The following IRAK3 variants were observed in gnomAD, a reference collection of about 807,000 sequenced individuals.
The protein encoded by IRAK3 is interleukin-1 receptor-associated kinase 3.
Under a neutral mutation model 56.6 loss-of-function variants are expected in IRAK3, and 57 were observed. The observed-to-expected ratio is 1.01, with a 90% CI of 0.81 to 1.26. IRAK3 has a LOEUF of 1.26. IRAK3 is among the 50% of genes most tolerant of loss of function. IRAK3 has a pLI of 0.00. For missense variants in IRAK3, 703 were observed against 719.0 expected, an observed-to-expected ratio of 0.98 and a Z score of 0.25; for synonymous variants, 258 against 255.7, an observed-to-expected ratio of 1.01 and a Z score of -0.09.
At chr12:66,234,643 T>G in intron 8 of IRAK3, 1 of 1,611,630 alleles carries the variant, frequency 6.2e-7, no homozygotes. Flanking sequence ...ACAATAAAGG[T>G]TCTGTGGGGG....
chr12:66,203,970 A>G, intron 2 of IRAK3, 77 bp downstream of exon 2: 1 of 1,253,732 alleles, frequency 8.0e-7, no homozygotes, highest in Non-Finnish European at 1.2e-6. Flanking sequence ...ATTGCATTTT[A>G]TCCAAGACAT....
chr12:66,241,099 A>G (rs1471984344), intron 8 of IRAK3, among the ~76,000 whole-genome samples: 1 of 152,122 alleles, frequency 6.6e-6, no homozygotes, highest in African/African-American at 2.4e-5. Flanking sequence ...ATTGTCCTAG[A>G]GACCCCTACT....
At chr12:66,233,011 A>ATTATTT (rs921548746) in intron 8 of IRAK3, among the ~76,000 whole-genome samples, 2 of 151,194 alleles carry the variant, frequency 1.3e-5, no homozygotes, top group African/African-American at 4.9e-5. Context: ...TATTATTATT[A>ATTATTT]TTATTTTTAA....
At chr12:66,247,580 T>C in intron 11 of IRAK3, 115 bp from the exon 12 acceptor site, 2 of 734,398 alleles carry the variant, frequency 2.7e-6, no homozygotes, top group Non-Finnish European at 4.6e-6. Flanking sequence ...CAAAATTCTA[T>C]AGCTGAACTA....
intron 6 of IRAK3, among the ~76,000 whole-genome samples, chr12:66,219,913 T>A (rs1349596681): frequency 2.0e-5 from 3 of 152,366 alleles, no homozygotes. Context: ...TTTTTGCTAT[T>A]GAATTGTATG....
intron 1 of IRAK3, among the ~76,000 whole-genome samples, chr12:66,192,242 T>C (rs1376767503): frequency 6.6e-6 from 1 of 152,254 alleles, no homozygotes; most frequent in African/African-American, 2.4e-5. Flanking sequence ...TTAATTACTT[T>C]TATTTTTAAA....
intron 8 of IRAK3, among the ~76,000 whole-genome samples, chr12:66,237,080 T>G (rs2052915790): frequency 6.6e-6 from 1 of 152,026 alleles, no homozygotes; most frequent in South Asian, 2.1e-4. Flanking sequence ...AAATCCCTAC[T>G]CCTCTACTTT....
chr12:66,237,428 A>G (rs1455833380), intron 8 of IRAK3, among the ~76,000 whole-genome samples: 2 of 152,104 alleles, frequency 1.3e-5, no homozygotes, highest in African/African-American at 4.8e-5. Context: ...GGAATTATCT[A>G]TATACAGCTA....
At chr12:66,206,098 A>G (rs897415431) in intron 2 of IRAK3, among the ~76,000 whole-genome samples, 7 of 146,992 alleles carry the variant, frequency 4.8e-5, no homozygotes, top group Non-Finnish European at 7.4e-5. Flanking sequence ...GACATTTTCA[A>G]TCTTCCATTT....
chr12:66,202,842 A>G (rs2052522557), intron 1 of IRAK3, among the ~76,000 whole-genome samples: 1 of 151,778 alleles, frequency 6.6e-6, no homozygotes, highest in Non-Finnish European at 1.5e-5. Context: ...AAAAAAAAAG[A>G]ACACAAGAGC....
chr12:66,225,558 T>C (rs2136937202), intron 6 of IRAK3, among the ~76,000 whole-genome samples: 1 of 152,256 alleles, frequency 6.6e-6, no homozygotes, highest in African/African-American at 2.4e-5. Flanking sequence ...TTTACAGATT[T>C]ATTTTAATAT....
intron 6 of IRAK3, among the ~76,000 whole-genome samples, chr12:66,223,924 A>T (rs1218577351): frequency 2.0e-5 from 3 of 151,472 alleles, no homozygotes; most frequent in Non-Finnish European, 2.9e-5. Flanking sequence ...TCATGGTTTC[A>T]TTTTTTACAT....
At chr12:66,202,962 A>G (rs2052523742) in intron 1 of IRAK3, among the ~76,000 whole-genome samples, 1 of 152,168 alleles carries the variant, frequency 6.6e-6, no homozygotes, top group Non-Finnish European at 1.5e-5. Flanking sequence ...CCATAGATAT[A>G]AATAAACAAC....
At chr12:66,191,868 C>G (rs1592571476) in intron 1 of IRAK3, among the ~76,000 whole-genome samples, 2 of 152,178 alleles carry the variant, frequency 1.3e-5, no homozygotes, top group East Asian at 3.8e-4. Context: ...CTGTAATATA[C>G]TAAGTAAAGC....
intron 8 of IRAK3, among the ~76,000 whole-genome samples, chr12:66,243,479 C>G (rs1464457261): frequency 6.6e-6 from 1 of 152,226 alleles, no homozygotes; most frequent in African/African-American, 2.4e-5. Context: ...AGAGCAAGCT[C>G]TGAAGAGCCC....
At chr12:66,193,859 T>C (rs2052423537) in intron 1 of IRAK3, among the ~76,000 whole-genome samples, 1 of 152,218 alleles carries the variant, frequency 6.6e-6, no homozygotes, top group South Asian at 2.1e-4. Context: ...ATTACTTCAC[T>C]TCCCTCTCTT....
intron 8 of IRAK3, among the ~76,000 whole-genome samples, chr12:66,233,241 G>A (rs898489702): frequency 6.6e-6 from 1 of 152,110 alleles, no homozygotes; most frequent in African/African-American, 2.4e-5. Context: ...AAGACAGGCC[G>A]GGCGCGGTGG....
intron 7 of IRAK3, among the ~76,000 whole-genome samples, chr12:66,227,224 T>A (rs1185072464): frequency 6.6e-6 from 1 of 152,158 alleles, no homozygotes; most frequent in East Asian, 1.9e-4. Flanking sequence ...ATACAAAGGA[T>A]CACCATAGCA....
At chr12:66,231,174 A>T (rs1251929195) in intron 8 of IRAK3, among the ~76,000 whole-genome samples, 2 of 152,106 alleles carry the variant, frequency 1.3e-5, no homozygotes, top group Non-Finnish European at 1.5e-5. Context: ...TGAAAAGTGG[A>T]CCCACTGACT....
Sources: gnomAD v4.1 joint callset for allele counts (sites outside exome capture counted in the v4.1 genomes callset) on GRCh38, gnomAD v4.1.1 for gene constraint, MANE v1.5 for transcripts, NCBI Gene and HGNC (gene_info 2026-07-23, HGNC 2026-07-21) for gene names.